CUBN: variants seen among roughly 807,000 people sequenced by gnomAD.
CUBN encodes the protein 460 kDa receptor.
Under a neutral mutation model 405.3 loss-of-function variants are expected in CUBN, and 282 were observed. That is an observed-to-expected ratio of 0.70 (90% CI 0.63 to 0.77). The LOEUF is 0.77. CUBN is among the 30% of genes least tolerant of loss of function. The probability of loss-of-function intolerance (pLI) is 0.00; values close to 1 mark genes in which losing one functional copy is unlikely to be tolerated. For synonymous variants in CUBN, 1,684 were observed against 1,617.0 expected, an observed-to-expected ratio of 1.04 and a Z score of -0.99; for missense variants, 4,514 against 4,475.2, an observed-to-expected ratio of 1.01 and a Z score of -0.25.
chr10:16,994,139 G>A (rs543256193), intron 28 of CUBN, among the ~76,000 whole-genome samples: 10 of 151,888 alleles, frequency 6.6e-5, no homozygotes, highest in Non-Finnish European at 1.3e-4. Flanking sequence ...AACTGTCTTC[G>A]TATTTCTAAA....
At chr10:17,031,777 C>T (rs141231447) in intron 27 of CUBN, among the ~76,000 whole-genome samples, 1 of 152,194 alleles carries the variant, frequency 6.6e-6, no homozygotes, top group African/African-American at 2.4e-5. Context: ...TGGCGTTTAC[C>T]TTTAAACCAA....
intron 37 of CUBN, 124 bp from the exon 38 acceptor site, chr10:16,939,271 G>T: frequency 1.3e-6 from 1 of 799,892 alleles, no homozygotes; most frequent in South Asian, 1.5e-5. Flanking sequence ...TTTCTTTTCT[G>T]ACTAGGGAAA....
chr10:17,089,780 TACG>T (rs1385329308), intron 14 of CUBN, among the ~76,000 whole-genome samples: 7 of 152,128 alleles, frequency 4.6e-5, no homozygotes, highest in Non-Finnish European at 8.8e-5. Context: ...AAAAATACAA[TACG>T]ACAAGTGAAT....
intron 31 of CUBN, among the ~76,000 whole-genome samples, chr10:16,974,379 T>C (rs1463050962): frequency 6.6e-6 from 1 of 152,138 alleles, no homozygotes; most frequent in African/African-American, 2.4e-5. Flanking sequence ...GGTATTTGCT[T>C]CTAATGTCTC....
chr10:16,983,206 A>G (rs972659526), intron 30 of CUBN, among the ~76,000 whole-genome samples: 3 of 152,170 alleles, frequency 2.0e-5, no homozygotes, highest in African/African-American at 4.8e-5. Flanking sequence ...ATAATAGAAA[A>G]CTTTGGCACT....
At position 16,901,358 on chromosome 10, in the gene CUBN, G is replaced by C; in HGVS notation, c.8164C>G (p.Pro2722Ala). The C allele has an allele frequency of 6.2e-7, 1 of 1,614,082 alleles. No homozygotes were observed. The highest frequency in any genetic ancestry group is 1.6e-4 in the Middle Eastern group (1 of 6,062). Residue 2722 changes from proline (P) to alanine (A), a missense_variant, in exon 52 of 67, where the codon CCA becomes GCA. Pro to Ala is a conservative substitution (Grantham distance 27). Transcript: ENST00000377833. ...CTCACAGTGATGGTGTGCCCTTGTGGGGCCTCCAACAGCGAAGAGCAGTGG... is the reference window on the plus strand; with the variant it reads ...CTCACAGTGATGGTGTGCCCTTGTGCGGCCTCCAACAGCGAAGAGCAGTGG... Reference protein sequence around the residue: ...LTHCSSLLEAPQGHTITLTFS... With the variant: ...LTHCSSLLEAAQGHTITLTFS...
intron 36 of CUBN, among the ~76,000 whole-genome samples, chr10:16,946,173 C>T (rs61841452): frequency 0.057 from 8,686 of 152,240 alleles, 363 homozygotes; most frequent in Non-Finnish European, 0.088. Context: ...CAATTCAAAA[C>T]GGCAATTTAA....
chr10:17,035,010 A>G (rs554389826), intron 27 of CUBN, among the ~76,000 whole-genome samples: 2 of 151,964 alleles, frequency 1.3e-5, no homozygotes, highest in South Asian at 4.2e-4. Context: ...AGAGCCTGTG[A>G]TGGCTGACCA....
intron 51 of CUBN, among the ~76,000 whole-genome samples, chr10:16,902,166 CTATATATAGTATATATATTTG>C (rs1271988606): frequency 4.8e-5 from 6 of 124,784 alleles, no homozygotes; most frequent in African/African-American, 1.5e-4. Flanking sequence ...TTTGTATATA[CTATATATAGTATATATATTTG>C]TATATATAGT....
At chr10:16,893,306 T>A (rs996870629) in intron 54 of CUBN, among the ~76,000 whole-genome samples, 4 of 152,238 alleles carry the variant, frequency 2.6e-5, no homozygotes, top group African/African-American at 9.6e-5. Flanking sequence ...AATACTGACA[T>A]CTTGCAAAAC....
intron 39 of CUBN, among the ~76,000 whole-genome samples, chr10:16,936,691 G>A (rs1037355105): frequency 2.0e-5 from 3 of 152,014 alleles, no homozygotes; most frequent in Non-Finnish European, 2.9e-5. Context: ...CATAAGAAAC[G>A]CTCAAATTCA....
rs79179843 is a variant in CUBN at position 16,878,957 on chromosome 10, T to G, written c.8906-1860A>C. ...AGTGATAGCACATGTTGTTTATCTA[T>G]TCATCAGTTGACAGACATTTGGTTT... On this transcript the variant is annotated intron_variant, in intron 56 of 66. Transcript: ENST00000377833. 1.0e-2 allele frequency among the ~76,000 whole-genome samples: 1,517 copies of G among 152,382 alleles called. 14 individuals are homozygous for G. The highest frequency in any genetic ancestry group is 0.019 in the South Asian group (90 of 4,828).
At chr10:17,123,184 C>T (rs1336428053) in intron 5 of CUBN, among the ~76,000 whole-genome samples, 1 of 152,060 alleles carries the variant, frequency 6.6e-6, no homozygotes, top group African/African-American at 2.4e-5. Context: ...TCTGGGAATA[C>T]TTACTTAACT....
At chr10:17,128,349 C>A (rs1192634332) in intron 2 of CUBN, among the ~76,000 whole-genome samples, 2 of 152,176 alleles carry the variant, frequency 1.3e-5, no homozygotes. Context: ...CTGTGAAGGT[C>A]AAATGAGATA....
chr10:17,042,669 G>T (rs1216350853), intron 26 of CUBN, among the ~76,000 whole-genome samples: 1 of 152,086 alleles, frequency 6.6e-6, no homozygotes, highest in Non-Finnish European at 1.5e-5. Context: ...ACCTTTTTAT[G>T]TACTAGTGAT....
chr10:16,941,841 G>T (rs935622683), intron 36 of CUBN, among the ~76,000 whole-genome samples: 1 of 151,988 alleles, frequency 6.6e-6, no homozygotes, highest in Non-Finnish European at 1.5e-5. Context: ...ACTCTGTCCA[G>T]AAAATATATA....
chr10:16,928,532 C>CTTTTTTTTTT (rs35335421), intron 40 of CUBN, among the ~76,000 whole-genome samples: 2 of 107,122 alleles, frequency 1.9e-5, no homozygotes. Flanking sequence ...CCACCCCCCC[C>CTTTTTTTTTT]TTTTTTTTTT....
intron 28 of CUBN, among the ~76,000 whole-genome samples, chr10:17,003,292 G>A (rs926568240): frequency 2.4e-4 from 37 of 152,220 alleles, no homozygotes; most frequent in Admixed American, 2.2e-3. Context: ...AGCAGGAAGC[G>A]ACACTGTGAA....
At chr10:16,921,668 C>T (rs536930906) in intron 43 of CUBN, among the ~76,000 whole-genome samples, 3 of 152,346 alleles carry the variant, frequency 2.0e-5, no homozygotes, top group African/African-American at 4.8e-5. Context: ...CTTCCTCTGG[C>T]CCTTGGGCGC....
Sources: gnomAD v4.1 joint callset for allele counts (sites outside exome capture counted in the v4.1 genomes callset) on GRCh38, gnomAD v4.1.1 for gene constraint, MANE v1.5 for transcripts, NCBI Gene and HGNC (gene_info 2026-07-23, HGNC 2026-07-21) for gene names.